Variants in COG6 observed in about 807,000 individuals in gnomAD.
COG6 encodes the protein component of oligomeric golgi complex 6, also known as conserved oligomeric Golgi complex subunit 6.
A neutral mutation model predicts 88.8 loss-of-function variants in COG6; 74 were observed. That is an observed-to-expected ratio of 0.83 (90% confidence interval 0.69 to 1.01). COG6 has a LOEUF of 1.01. Among genes scored for constraint, COG6 ranks in the 50% least tolerant of loss-of-function variants. The pLI is 0.00. For missense variants in COG6, 800 were observed against 797.9 expected (o/e 1.00, Z -0.03); for synonymous variants, 286 against 278.7 (o/e 1.03, Z -0.26).
intron 8 of COG6, chr13:39,682,476 C>G: frequency 2.1e-6 from 1 of 480,784 alleles, no homozygotes. Flanking sequence ...AAAGAGAAAC[C>G]AAAGTGTCTC....
At chr13:39,658,202 G>A (rs1874650466) in intron 1 of COG6, among the ~76,000 whole-genome samples, 1 of 151,560 alleles carries the variant, frequency 6.6e-6, no homozygotes, top group African/African-American at 2.4e-5. Flanking sequence ...GAGTCCAATG[G>A]AGAGAACATG....
chr13:39,663,787 C>T (rs763468703), intron 3 of COG6, among the ~76,000 whole-genome samples: 79 of 151,174 alleles, frequency 5.2e-4, no homozygotes, highest in Non-Finnish European at 9.1e-4. Context: ...ATTCTAGAGG[C>T]TTAGGTGGGA....
intron 18 of COG6, among the ~76,000 whole-genome samples, chr13:39,740,049 C>T (rs923208996): frequency 6.6e-5 from 10 of 151,810 alleles, no homozygotes; most frequent in Admixed American, 1.3e-4. Context: ...TGATAATATA[C>T]GTGGAAAATT....
At chr13:39,714,717 C>A (rs1878430255) in intron 13 of COG6, among the ~76,000 whole-genome samples, 1 of 152,092 alleles carries the variant, frequency 6.6e-6, no homozygotes, top group Non-Finnish European at 1.5e-5. Context: ...AGGAAGATTT[C>A]TTAAAGAACT....
intron 17 of COG6, among the ~76,000 whole-genome samples, 180 bp downstream of exon 17, chr13:39,724,741 T>G (rs1334605260): frequency 6.6e-6 from 1 of 151,936 alleles, no homozygotes; most frequent in Admixed American, 6.6e-5. Context: ...TCTGGCCAAG[T>G]CTTACATTCA....
intron 8 of COG6, among the ~76,000 whole-genome samples, chr13:39,684,839 T>A (rs1876545078): frequency 6.6e-6 from 1 of 152,198 alleles, no homozygotes. Context: ...ATTATTGAAA[T>A]CCGTGGGGAA....
chr13:39,729,362 T>A (rs538278228), intron 18 of COG6, among the ~76,000 whole-genome samples: 3 of 152,302 alleles, frequency 2.0e-5, no homozygotes, highest in Non-Finnish European at 4.4e-5. Context: ...CCAAAACCAC[T>A]GGGAGCTGCT....
At chr13:39,655,643 C>G (rs1024435760), upstream of COG6, 4 of 1,480,288 alleles carry the variant, frequency 2.7e-6, no homozygotes, top group African/African-American at 4.2e-5. Flanking sequence ...CATGCGCGGC[C>G]GATTTGCACA....
At chr13:39,666,063 TA>T (rs756626892) in intron 4 of COG6, among the ~76,000 whole-genome samples, 3 of 152,050 alleles carry the variant, frequency 2.0e-5, no homozygotes, top group Non-Finnish European at 4.4e-5. Flanking sequence ...CTACAAAGCC[TA>T]AAATATGTAC....
At chr13:39,711,719 A>G (rs1320920526) in intron 13 of COG6, among the ~76,000 whole-genome samples, 3 of 152,326 alleles carry the variant, frequency 2.0e-5, no homozygotes, top group South Asian at 2.1e-4. Flanking sequence ...ATTTTTTCAC[A>G]TTACAAAATA....
At chr13:39,702,635 C>T (rs1034748145) in intron 13 of COG6, among the ~76,000 whole-genome samples, 1 of 151,958 alleles carries the variant, frequency 6.6e-6, no homozygotes, top group Admixed American at 6.6e-5. Context: ...AGTGGTTCTT[C>T]TATTTAAGTG....
At chr13:39,745,310 C>T (rs963386283) in intron 18 of COG6, among the ~76,000 whole-genome samples, 2 of 152,046 alleles carry the variant, frequency 1.3e-5, no homozygotes, top group African/African-American at 4.8e-5. Flanking sequence ...AGGCAACCTA[C>T]AGAATGGGAA....
intron 18 of COG6, among the ~76,000 whole-genome samples, chr13:39,771,003 T>C (rs1881305127): frequency 1.3e-5 from 2 of 152,090 alleles, no homozygotes; most frequent in Admixed American, 6.5e-5. Context: ...AATCCTACAT[T>C]CTCTGGGGCT....
intron 3 of COG6, chr13:39,663,981 A>G (rs1254745760): frequency 1.9e-5 from 3 of 154,418 alleles, no homozygotes; most frequent in Admixed American, 6.5e-5. Flanking sequence ...CATACACTCA[A>G]AATAGCTTCA....
At chr13:39,706,723 G>T (rs1258474951) in intron 13 of COG6, among the ~76,000 whole-genome samples, 1 of 152,026 alleles carries the variant, frequency 6.6e-6, no homozygotes, top group Non-Finnish European at 1.5e-5. Flanking sequence ...TGTCTCTGTC[G>T]TCCAGGCTGG....
intron 4 of COG6, among the ~76,000 whole-genome samples, chr13:39,674,050 T>C (rs1335185549): frequency 6.6e-6 from 1 of 152,062 alleles, no homozygotes; most frequent in Non-Finnish European, 1.5e-5. Context: ...TTTTATTTTT[T>C]ATTTTTATTT....
At chr13:39,734,228 A>G (rs577350528) in intron 18 of COG6, among the ~76,000 whole-genome samples, 28 of 152,024 alleles carry the variant, frequency 1.8e-4, no homozygotes, top group Non-Finnish European at 4.0e-4. Flanking sequence ...TTTTTTTTGT[A>G]GGCACTTACA....
chr13:39,671,873 C>A (rs1025363420), intron 4 of COG6, among the ~76,000 whole-genome samples: 1 of 151,920 alleles, frequency 6.6e-6, no homozygotes. Context: ...TCTTTGTACT[C>A]CCACAACACA....
At chr13:39,748,820 A>G (rs1880473882) in intron 18 of COG6, among the ~76,000 whole-genome samples, 1 of 152,110 alleles carries the variant, frequency 6.6e-6, no homozygotes, top group Non-Finnish European at 1.5e-5. Context: ...ATGTCAAGTT[A>G]CTCCAACTCG....
Sources: gnomAD v4.1 joint callset for allele counts (sites outside exome capture counted in the v4.1 genomes callset) on GRCh38, gnomAD v4.1.1 for gene constraint, MANE v1.5 for transcripts, NCBI Gene and HGNC (gene_info 2026-07-23, HGNC 2026-07-21) for gene names.